CUBN: variants seen among roughly 807,000 people sequenced by gnomAD.
The protein encoded by CUBN is cubilin.
Under a neutral mutation model 405.3 loss-of-function variants are expected in CUBN, and 282 were observed. That is an observed-to-expected ratio of 0.70 (90% CI 0.63 to 0.77). The LOEUF (loss-of-function observed/expected upper bound fraction) is 0.77. Among genes scored for constraint, CUBN ranks in the 30% least tolerant of loss-of-function variants. The probability of loss-of-function intolerance (pLI) is 0.00; values close to 1 mark genes in which losing one functional copy is unlikely to be tolerated. For synonymous variants in CUBN, 1,684 were observed against 1,617.0 expected (o/e 1.04, Z -0.99); for missense variants, 4,514 against 4,475.2 (o/e 1.01, Z -0.25).
chr10:16,984,591 G>T (rs1311916730), intron 29 of CUBN, among the ~76,000 whole-genome samples: 1 of 152,076 alleles, frequency 6.6e-6, no homozygotes, highest in Non-Finnish European at 1.5e-5. Context: ...TCATGTCTTT[G>T]TGGGCTTTCC....
At chr10:16,880,749 C>T (rs1241815500) in intron 56 of CUBN, among the ~76,000 whole-genome samples, 1 of 152,206 alleles carries the variant, frequency 6.6e-6, no homozygotes, top group African/African-American at 2.4e-5. Flanking sequence ...CGCTAAGTTT[C>T]TATTCAGCCT....
At chr10:17,002,720 C>T (rs543725391) in intron 28 of CUBN, among the ~76,000 whole-genome samples, 6 of 152,320 alleles carry the variant, frequency 3.9e-5, no homozygotes, top group Middle Eastern at 6.8e-3. Context: ...TGCCTCTGAT[C>T]ATTGGGACCT....
chr10:16,911,748 G>A (rs1276182637), intron 48 of CUBN, among the ~76,000 whole-genome samples: 1 of 152,134 alleles, frequency 6.6e-6, no homozygotes, highest in African/African-American at 2.4e-5. Context: ...AAAAACAACT[G>A]TTAGCACATA....
rs145842824 is a variant in CUBN, at chr10:17,001,506, C to T, written c.4169-10991G>A. Among the ~76,000 whole-genome samples the T allele has an allele frequency of 1.0e-3, 153 of 152,306 alleles. 1 individual carries two copies. The highest frequency in any genetic ancestry group is 3.4e-3 in the African/African-American group (141 of 41,566). Reference sequence around the variant, plus strand: ...TAGCTAGCCACAGAGCGCCGACTGGCGCATTTACAATGCTTCAAGCTAGAC... The same window carrying T: ...TAGCTAGCCACAGAGCGCCGACTGGTGCATTTACAATGCTTCAAGCTAGAC... On this transcript the variant is annotated intron_variant, in intron 28 of 66. Transcript: ENST00000377833.
At chr10:16,908,117 C>A (rs1239134109) in intron 48 of CUBN, among the ~76,000 whole-genome samples, 1 of 152,034 alleles carries the variant, frequency 6.6e-6, no homozygotes, top group Admixed American at 6.6e-5. Context: ...CATAATAAAG[C>A]AGATATTTTT....
rs1340260832 is a variant in CUBN, at chr10:16,860,048, T to C, written c.9455-8605A>G. Reference sequence around the variant, plus strand: ...TCTAAGGTAACTACTGAAACAAGAGTCACAGGATGTATAAATAATAATTTT... The same window carrying C: ...TCTAAGGTAACTACTGAAACAAGAGCCACAGGATGTATAAATAATAATTTT... On this transcript the variant is annotated intron_variant, in intron 59 of 66. Coordinates refer to ENST00000377833, the MANE Select transcript of CUBN (RefSeq NM_001081.4). Among the ~76,000 whole-genome samples the C allele has an allele frequency of 3.3e-5, 5 of 151,834 alleles. No individual in the cohort carries two copies. The East Asian group carries it at 5.8e-4, about 18-fold the overall frequency.
chr10:16,831,009 C>G (rs1407080861), intron 65 of CUBN, among the ~76,000 whole-genome samples: 3 of 151,968 alleles, frequency 2.0e-5, no homozygotes, highest in Admixed American at 1.3e-4. Context: ...ATCACTTGAA[C>G]CTGGGAGGTG....
chr10:16,949,518 G>T (rs547128936), intron 34 of CUBN, among the ~76,000 whole-genome samples: 2 of 151,170 alleles, frequency 1.3e-5, no homozygotes, highest in Non-Finnish European at 2.9e-5. Context: ...ACTAGATAGC[G>T]GCACTCTTTA....
In CUBN at chr10:16,982,763, G is replaced by A. The variant is rs111848359; in HGVS notation, c.4526-110C>T. 2.3e-3 allele frequency: 2,286 copies of A among 1,001,770 alleles called. 3 individuals are homozygous for A. Among genetic ancestry groups the A allele is most frequent in the Non-Finnish European group, 3.0e-3 (1,990 of 658,674 alleles). 62.1% of individuals were successfully genotyped at this position (1,001,770 alleles called of 1,614,324 possible). A position where few individuals can be genotyped will look rare whatever the true frequency, so the allele number is the denominator to read the frequency against. On this transcript the variant is annotated intron_variant, in intron 30 of 66. Coordinates refer to ENST00000377833, the MANE Select transcript of CUBN (RefSeq NM_001081.4). ...ATTACTTTGCTTGAATCAGTTAGTC[G>A]ATGCTAAAAACACTGAAGAATTTGA...
chr10:17,103,370 C>T, intron 12 of CUBN, 133 bp from the exon 13 acceptor site: 1 of 688,032 alleles, frequency 1.5e-6, no homozygotes, highest in Non-Finnish European at 2.7e-6. Context: ...CCTGCCATTC[C>T]CTCTCCTCTG....
At chr10:17,026,795 C>T (rs562000431) in intron 27 of CUBN, among the ~76,000 whole-genome samples, 7 of 152,160 alleles carry the variant, frequency 4.6e-5, no homozygotes, top group Admixed American at 1.3e-4. Context: ...TGATCCCAGC[C>T]GACTCCAAGA....
At chr10:17,000,074 C>A (rs1564470891) in intron 28 of CUBN, among the ~76,000 whole-genome samples, 1 of 152,248 alleles carries the variant, frequency 6.6e-6, no homozygotes, top group Non-Finnish European at 1.5e-5. Context: ...TGCATCCAGC[C>A]AGCCTGGGTC....
chr10:17,016,610 A>G (rs1197258226), intron 28 of CUBN, among the ~76,000 whole-genome samples: 1 of 152,160 alleles, frequency 6.6e-6, no homozygotes, highest in Non-Finnish European at 1.5e-5. Flanking sequence ...TAAATCAGAG[A>G]GGGAGAAGGG....
intron 55 of CUBN, among the ~76,000 whole-genome samples, chr10:16,889,956 G>C (rs11597490): frequency 7.6e-6 from 1 of 131,732 alleles, no homozygotes; most frequent in Non-Finnish European, 1.5e-5. Context: ...AAAAAAAACA[G>C]GAAAGACTTC....
At chr10:17,059,628 A>G (rs1000042237) in intron 22 of CUBN, among the ~76,000 whole-genome samples, 1 of 150,650 alleles carries the variant, frequency 6.6e-6, no homozygotes, top group African/African-American at 2.4e-5. Flanking sequence ...TTCCACAGAC[A>G]TATTTGGTTT....
At position 17,103,160 on chromosome 10, in the gene CUBN, T is replaced by A. The variant is rs774236978; in HGVS notation, c.1495A>T (p.Asn499Tyr). The part of the protein sequence containing the change: ...SPDVGYVHDV[N>Y]CFWVIKTEMG... ...TCAGTTTTGATAACCCAGAAGCAGT[T>A]AACATCATGAACATAACCAACATCC... The change falls in exon 13 of 67, where the codon AAC becomes TAC. Residue 499 changes from asparagine to tyrosine, a missense_variant. Asn to Tyr is a moderately radical substitution (Grantham distance 143, BLOSUM62 -2). This residue lies in a region of CUBN where 1,448 missense variants were observed against 1,388.0 expected (regional missense o/e 1.04). Transcript: ENST00000377833. 3 of 1,613,826 alleles carry A rather than the reference T, an allele frequency of 1.9e-6. No individual in the cohort carries two copies. In the South Asian group the frequency reaches 3.3e-5, roughly 18 times the overall value.
chr10:17,016,346 G>A (rs965666738), intron 28 of CUBN, among the ~76,000 whole-genome samples: 9 of 152,134 alleles, frequency 5.9e-5, no homozygotes, highest in Non-Finnish European at 1.0e-4. Context: ...ACTGGGGAAG[G>A]CTTTTTGACC....
intron 55 of CUBN, among the ~76,000 whole-genome samples, chr10:16,889,942 A>AAAAAAAAAAAACAAAAAAAAAAAC (rs1554788550): frequency 7.3e-6 from 1 of 136,222 alleles, no homozygotes; most frequent in African/African-American, 2.9e-5. Context: ...TGTCAAAAAA[A>AAAAAAAAAAAACAAAAAAAAAAAC]AAAAAAAAAA....
At position 17,039,434 on chromosome 10, in the gene CUBN, G is replaced by A. The variant is rs534362713; in HGVS notation, c.4017+1599C>T. Among the ~76,000 whole-genome samples the A allele has an allele frequency of 3.5e-4, 53 of 152,264 alleles. No individual in the cohort carries two copies. In the Middle Eastern group the frequency reaches 0.01, roughly 29 times the overall value. The stretch of plus-strand genomic sequence containing the variant: ...AATAAGTGCCTGGGTTACAAAGTTA[G>A]TAGGAGACAGCACAGACCTTCGAGA... On this transcript the variant is annotated intron_variant, in intron 27 of 66. Transcript: ENST00000377833.
Sources: gnomAD v4.1 joint callset for allele counts (sites outside exome capture counted in the v4.1 genomes callset) on GRCh38, gnomAD v4.1.1 for gene constraint, gnomAD v4.1.1 regional missense constraint, MANE v1.5 for transcripts, NCBI Gene and HGNC (gene_info 2026-07-23, HGNC 2026-07-21) for gene names.